CSMD1: variants seen among roughly 807,000 people sequenced by gnomAD.
The protein encoded by CSMD1 is CUB and sushi domain-containing protein 1.
CSMD1 carries 213 observed loss-of-function variants against 417.5 expected under a neutral mutation model. The ratio of observed to expected loss-of-function variants is 0.51; its 90% CI spans 0.46 to 0.57. The LOEUF (loss-of-function observed/expected upper bound fraction) is 0.57, where lower values mean the gene tolerates loss of function less well. CSMD1 is among the 20% of genes least tolerant of loss of function. CSMD1 has a pLI of 0.00. For synonymous variants in CSMD1, 2,862 were observed against 1,736.8 expected (o/e 1.65, Z -16.11); for missense variants, 6,923 against 4,529.7 (o/e 1.53, Z -15.17).
At chr8:3,811,505 AG>A (rs1220917098) in intron 5 of CSMD1, among the ~76,000 whole-genome samples, 2 of 152,112 alleles carry the variant, frequency 1.3e-5, no homozygotes, top group Non-Finnish European at 2.9e-5. Context: ...TGAGAGTTTT[AG>A]CAGAGTTGTT....
chr8:3,978,600 G>C (rs572324628), intron 5 of CSMD1, among the ~76,000 whole-genome samples: 3 of 152,052 alleles, frequency 2.0e-5, no homozygotes, highest in Non-Finnish European at 2.9e-5. Context: ...AGGCATGTTG[G>C]GGGTAAATAA....
At chr8:3,245,177 C>G (rs545562129) in intron 26 of CSMD1, among the ~76,000 whole-genome samples, 2 of 152,304 alleles carry the variant, frequency 1.3e-5, no homozygotes, top group East Asian at 1.9e-4. Context: ...GTAAATGGCA[C>G]TCCTGTCTTC....
At chr8:3,587,456 A>G (rs1391850191) in intron 8 of CSMD1, among the ~76,000 whole-genome samples, 3 of 152,224 alleles carry the variant, frequency 2.0e-5, no homozygotes, top group Admixed American at 6.5e-5. Flanking sequence ...GAAAAGAAGC[A>G]CAGTTGTCAG....
At chr8:4,343,914 A>G (rs1458479936) in intron 3 of CSMD1, among the ~76,000 whole-genome samples, 1 of 152,152 alleles carries the variant, frequency 6.6e-6, no homozygotes, top group Non-Finnish European at 1.5e-5. Flanking sequence ...TTACTTTTAA[A>G]TACTGCCAAG....
intron 7 of CSMD1, among the ~76,000 whole-genome samples, chr8:3,699,115 G>A (rs576558206): frequency 6.6e-6 from 1 of 152,340 alleles, no homozygotes; most frequent in Admixed American, 6.5e-5. Flanking sequence ...AAGCAAGCAT[G>A]TCTCAGCCAT....
intron 53 of CSMD1, among the ~76,000 whole-genome samples, chr8:2,998,986 G>C (rs1807154828): frequency 6.6e-6 from 1 of 151,998 alleles, no homozygotes; most frequent in African/African-American, 2.4e-5. Flanking sequence ...CTACTTCATA[G>C]GAAAATATAC....
intron 1 of CSMD1, among the ~76,000 whole-genome samples, chr8:4,699,899 C>A (rs1197129663): frequency 6.6e-6 from 1 of 152,106 alleles, no homozygotes; most frequent in Non-Finnish European, 1.5e-5. Context: ...ATAATGGAAT[C>A]CTTTGGAAGA....
chr8:3,156,772 A>C (rs1819562059), intron 39 of CSMD1, among the ~76,000 whole-genome samples: 1 of 152,190 alleles, frequency 6.6e-6, no homozygotes, highest in Admixed American at 6.5e-5. Flanking sequence ...TCCTGTGATA[A>C]AGTTGGAGTA....
intron 7 of CSMD1, among the ~76,000 whole-genome samples, chr8:3,652,234 G>T: frequency 6.6e-6 from 1 of 150,904 alleles, no homozygotes; most frequent in South Asian, 2.1e-4. Flanking sequence ...CACCACCAGA[G>T]CGCCTACCAA....
chr8:4,059,056 A>T (rs1478114066), intron 3 of CSMD1, among the ~76,000 whole-genome samples: 1 of 152,166 alleles, frequency 6.6e-6, no homozygotes, highest in Non-Finnish European at 1.5e-5. Flanking sequence ...AGCTCTCCTC[A>T]GCAAATGTAA....
At chr8:4,093,137 A>G (rs1340455410) in intron 3 of CSMD1, among the ~76,000 whole-genome samples, 1 of 152,238 alleles carries the variant, frequency 6.6e-6, no homozygotes, top group Non-Finnish European at 1.5e-5. Context: ...CATAAATTAT[A>G]CAAGTCATAT....
chr8:2,953,201 T>A lies in CSMD1; in HGVS notation c.10039+1023A>T, dbSNP rs144893868. On this transcript the variant is annotated intron_variant, in intron 65 of 69. Transcript: ENST00000635120. ...TGGATAAAGAGCACTGACTTCTGTA[T>A]GTGATTTTTAGGTAATATTTAAATA... Among the ~76,000 whole-genome samples, 287 of 152,304 alleles carry A rather than the reference T, an allele frequency of 1.9e-3. 3 individuals are homozygous for A. Among genetic ancestry groups the A allele is most frequent in the Middle Eastern group, 0.014 (4 of 294 alleles).
At chr8:4,465,807 C>G (rs1585123264) in intron 2 of CSMD1, among the ~76,000 whole-genome samples, 1 of 152,226 alleles carries the variant, frequency 6.6e-6, no homozygotes, top group Middle Eastern at 3.4e-3. Flanking sequence ...ACTTTACTGC[C>G]AACCCACCCC....
At chr8:3,810,049 A>T (rs530328487) in intron 5 of CSMD1, among the ~76,000 whole-genome samples, 1 of 152,278 alleles carries the variant, frequency 6.6e-6, no homozygotes, top group South Asian at 2.1e-4. Flanking sequence ...GTCCTCTGTC[A>T]CACCTACATA....
At chr8:4,592,108 C>T (rs541317706) in intron 2 of CSMD1, among the ~76,000 whole-genome samples, 9 of 152,028 alleles carry the variant, frequency 5.9e-5, no homozygotes, top group South Asian at 2.1e-4. Context: ...GTTTAACGAG[C>T]GGCTTTGCTG....
chr8:3,705,907 G>A (rs1004188780), intron 7 of CSMD1, among the ~76,000 whole-genome samples: 6 of 152,190 alleles, frequency 3.9e-5, no homozygotes, highest in African/African-American at 9.6e-5. Flanking sequence ...GACAGAAGAT[G>A]AAATCCTCAT....
At chr8:2,954,073 T>C (rs1260899192) in intron 65 of CSMD1, 151 bp downstream of exon 65, 4 of 428,334 alleles carry the variant, frequency 9.3e-6, no homozygotes, top group Middle Eastern at 6.9e-4. Context: ...CAGAATTCCA[T>C]GTAAGCTTGG....
chr8:4,207,173 A>G (rs573355039), intron 3 of CSMD1, among the ~76,000 whole-genome samples: 9 of 152,314 alleles, frequency 5.9e-5, no homozygotes, highest in African/African-American at 1.7e-4. Context: ...AGTAATAAGT[A>G]TAAGATTACA....
intron 3 of CSMD1, among the ~76,000 whole-genome samples, chr8:4,245,344 G>C (rs958590824): frequency 1.3e-5 from 2 of 152,176 alleles, no homozygotes; most frequent in Non-Finnish European, 2.9e-5. Flanking sequence ...CAGAGGGTTG[G>C]GGTGGGAGGA....
Sources: gnomAD v4.1 joint callset for allele counts (sites outside exome capture counted in the v4.1 genomes callset) on GRCh38, gnomAD v4.1.1 for gene constraint, MANE v1.5 for transcripts, NCBI Gene and HGNC (gene_info 2026-07-23, HGNC 2026-07-21) for gene names.